ST14: variants seen among roughly 807,000 people sequenced by gnomAD.
The protein encoded by ST14 is ST14 transmembrane serine protease matriptase, also known as suppressor of tumorigenicity 14 protein.
A neutral mutation model predicts 96.5 loss-of-function variants in ST14; 40 were observed. The ratio of observed to expected loss-of-function variants is 0.41; its 90% CI spans 0.32 to 0.54. The LOEUF (loss-of-function observed/expected upper bound fraction) is 0.54. Among genes scored for constraint, ST14 ranks in the 20% least tolerant of loss-of-function variants. The pLI, the probability that ST14 is intolerant of heterozygous loss-of-function variation, is 0.17. For synonymous variants in ST14, 506 were observed against 492.1 expected, an observed-to-expected ratio of 1.03 and a Z score of -0.37; for missense variants, 1,066 against 1,188.9, an observed-to-expected ratio of 0.90 and a Z score of 1.52.
intron 8 of ST14, 48 bp downstream of exon 8, chr11:130,194,336 G>C: frequency 6.2e-7 from 1 of 1,612,132 alleles, no homozygotes; most frequent in Non-Finnish European, 8.5e-7. Context: ...CCACAGAGAA[G>C]GGGAAGGCCT....
intron 1 of ST14, among the ~76,000 whole-genome samples, chr11:130,161,263 T>G (rs1952996471): frequency 6.6e-6 from 1 of 152,208 alleles, no homozygotes; most frequent in Non-Finnish European, 1.5e-5. Flanking sequence ...GCTTGGGCCC[T>G]TCCCCTGGCT....
rs1488823380 is a variant in ST14 at position 130,187,555 on chromosome 11, G to A, written c.82-559G>A. Among the ~76,000 whole-genome samples, 2 of 152,162 alleles carry A rather than the reference G, an allele frequency of 1.3e-5. No individual in the cohort carries two copies. The highest frequency in any genetic ancestry group is 2.9e-5 in the Non-Finnish European group (2 of 68,022). On this transcript the variant is annotated intron_variant, in intron 1 of 18. Coordinates refer to ENST00000278742, the MANE Select transcript of ST14 (RefSeq NM_021978.4). The surrounding 1 kb of genome is among the most constrained non-coding windows in gnomAD (Gnocchi z 4.5). ...AGCACCACCTTTTTACTTTTGGCTGGTTCACCATTGGCAGGGCAAGGCCGC... is the reference window on the plus strand; with the variant it reads ...AGCACCACCTTTTTACTTTTGGCTGATTCACCATTGGCAGGGCAAGGCCGC...
At chr11:130,208,352 G>T (rs1050717566) in intron 16 of ST14, 58 bp from the exon 17 acceptor site, 4 of 1,612,096 alleles carry the variant, frequency 2.5e-6, no homozygotes, top group Non-Finnish European at 3.4e-6. Context: ...GCGGGGCCGC[G>T]AGGCCGTGTG....
intron 1 of ST14, among the ~76,000 whole-genome samples, chr11:130,168,647 G>C (rs1040363926): frequency 1.3e-5 from 2 of 152,148 alleles, no homozygotes; most frequent in African/African-American, 2.4e-5. Flanking sequence ...AATCTGTCTC[G>C]GCTCTGAGAA....
intron 11 of ST14, 133 bp downstream of exon 11, chr11:130,196,833 T>A: frequency 1.5e-6 from 2 of 1,374,380 alleles, no homozygotes; most frequent in Non-Finnish European, 2.0e-6. Context: ...ACCCCTCCCG[T>A]AGCTTTGGGA....
Position 130,189,847 on chromosome 11 carries a change from G to A in ST14, c.549G>A (p.Pro183=), listed in dbSNP as rs774428715. The A allele has an allele frequency of 8.1e-6, 13 of 1,613,746 alleles. No homozygotes were observed. The highest frequency in any genetic ancestry group is 2.7e-5 in the African/African-American group (2 of 74,932). The change falls in exon 5 of 19, where the codon CCG becomes CCA. Residue 183 remains proline, a synonymous_variant. Transcript: ENST00000278742. ...AGGAGCGCGTAGTCATGCTGCCCCCGCGGGCGCGCTCCCTGAAGTCCTTTG... is the reference window on the plus strand; with the variant it reads ...AGGAGCGCGTAGTCATGCTGCCCCCACGGGCGCGCTCCCTGAAGTCCTTTG... ...MAEERVVMLP[P]RARSLKSFVV...
intron 17 of ST14, 149 bp from the exon 18 acceptor site, chr11:130,209,293 C>G (rs1054479517): frequency 5.7e-6 from 6 of 1,053,984 alleles, no homozygotes; most frequent in Non-Finnish European, 8.4e-6. Flanking sequence ...TTGCCAGAGC[C>G]CACTGAGTAG....
At chr11:130,194,536 C>A (rs545186875) in intron 8 of ST14, 104 bp from the exon 9 acceptor site, 1 of 1,260,674 alleles carries the variant, frequency 7.9e-7, no homozygotes, top group South Asian at 1.2e-5. Context: ...GCAGCATCCA[C>A]GCGTCCAGGA....
At chr11:130,183,422 G>A (rs1289828134) in intron 1 of ST14, among the ~76,000 whole-genome samples, 1 of 152,044 alleles carries the variant, frequency 6.6e-6, no homozygotes, top group Non-Finnish European at 1.5e-5. Context: ...AAAATGTCTA[G>A]TTGCAGCTGG....
intron 1 of ST14, among the ~76,000 whole-genome samples, chr11:130,174,529 G>T (rs1446231183): frequency 6.6e-6 from 1 of 151,216 alleles, no homozygotes; most frequent in East Asian, 1.9e-4. Flanking sequence ...GGGGGTGGGG[G>T]TGGCAGTTAT....
chr11:130,189,788 C>T lies in ST14; in HGVS notation c.490C>T (p.His164Tyr). ...YYWSEFSIPQ[H>Y]LVEEAERVMA... The stretch of plus-strand genomic sequence containing the variant: ...CTGGTCTGAGTTCAGCATCCCGCAG[C>T]ACCTGGTGGAGGAGGCCGAGCGCGT... Residue 164 changes from histidine to tyrosine, a missense_variant, in exon 5 of 19, where the codon CAC becomes TAC. Transcript: ENST00000278742. 6.2e-7 allele frequency: 1 copy of T among 1,613,862 alleles called. No homozygotes were observed. The highest frequency in any genetic ancestry group is 2.2e-5 in the East Asian group (1 of 44,880).
intron 1 of ST14, among the ~76,000 whole-genome samples, chr11:130,185,539 C>T (rs571187827): frequency 8.5e-5 from 13 of 152,150 alleles, no homozygotes; most frequent in Admixed American, 2.0e-4. Flanking sequence ...AGCTATAGTC[C>T]TACCTACTCA....
chr11:130,170,251 A>AT (rs1236900742), intron 1 of ST14, among the ~76,000 whole-genome samples: 1 of 151,856 alleles, frequency 6.6e-6, no homozygotes, highest in Non-Finnish European at 1.5e-5. Flanking sequence ...TGGACTGAGT[A>AT]TTTTTTCCCC....
At chr11:130,200,988 C>G (rs771972179) in intron 16 of ST14, among the ~76,000 whole-genome samples, 1 of 152,224 alleles carries the variant, frequency 6.6e-6, no homozygotes, top group Non-Finnish European at 1.5e-5. Flanking sequence ...ACTTCCTAGG[C>G]CTTGGGTTCT....
In ST14 at chr11:130,194,789, CGTGT is replaced by C. The variant is rs753992541; in HGVS notation, c.1113+59_1113+62del. 19 of 1,572,264 alleles carry C rather than the reference CGTGT, an allele frequency of 1.2e-5. No homozygotes were observed. The South Asian group carries it at 2.0e-4, about 17-fold the overall frequency. On this transcript the variant is annotated intron_variant, in intron 9 of 18. Transcript: ENST00000278742. Reference sequence around the variant, plus strand: ...GTGTGTGTGTGAGCATGTATGTGCACGTGTGTGTGTCTCCCTGTGCAGATGTGTG... The same window carrying C: ...GTGTGTGTGTGAGCATGTATGTGCACGTGTGTCTCCCTGTGCAGATGTGTG...
Position 130,188,351 on chromosome 11 carries a change from G to A in ST14, c.241+78G>A. Reference sequence around the variant, plus strand: ...TCTTCCCTCAGCGGACAGACCCAGGGCCACCTACTGAGTACACGAGGATCT... The same window carrying A: ...TCTTCCCTCAGCGGACAGACCCAGGACCACCTACTGAGTACACGAGGATCT... On this transcript the variant is annotated intron_variant, in intron 2 of 18. Transcript: ENST00000278742. The surrounding 1 kb of genome is among the most constrained non-coding windows in gnomAD (Gnocchi z 5.4). 1.9e-6 allele frequency: 3 copies of A among 1,582,980 alleles called. No individual in the cohort carries two copies. The highest frequency in any genetic ancestry group is 2.6e-6 in the Non-Finnish European group (3 of 1,162,742).
At chr11:130,175,675 C>A (rs1953130417) in intron 1 of ST14, among the ~76,000 whole-genome samples, 2 of 149,178 alleles carry the variant, frequency 1.3e-5, no homozygotes, top group Admixed American at 6.7e-5. Flanking sequence ...TGAGCCACCA[C>A]ACCTGGCCTG....
intron 16 of ST14, among the ~76,000 whole-genome samples, chr11:130,204,428 A>G (rs1953465287): frequency 6.6e-6 from 1 of 152,192 alleles, no homozygotes; most frequent in Admixed American, 6.5e-5. Context: ...GTGGCAACAG[A>G]TTACAGTGAA....
In ST14 at chr11:130,189,022, C is replaced by T. The variant is rs553157891; in HGVS notation, c.440+83C>T. On this transcript the variant is annotated intron_variant, in intron 4 of 18. Transcript: ENST00000278742. ...GGGGTACAGTGTGTGGGGCAGGAAG[C>T]GGGAGATGGTGCTGGAGGTCCTGGC... 4.5e-4 allele frequency: 651 copies of T among 1,436,150 alleles called. 6 individuals are homozygous for T. The Middle Eastern group carries it at 0.013, about 29-fold the overall frequency. 89.0% of individuals were successfully genotyped at this position (1,436,150 alleles called of 1,614,324 possible). A position where few individuals can be genotyped will look rare whatever the true frequency, so the allele number is the denominator to read the frequency against.
Sources: allele counts gnomAD v4.1 joint callset (sites outside exome capture counted in the v4.1 genomes callset), GRCh38; gene constraint gnomAD v4.1.1; non-coding constraint Gnocchi (gnomAD v3.1); transcripts MANE v1.5; gene names NCBI Gene and HGNC (gene_info 2026-07-23, HGNC 2026-07-21).